The following PPP6R2 variants were observed in gnomAD, a reference collection of about 807,000 sequenced individuals.
The protein encoded by PPP6R2 is serine/threonine-protein phosphatase 6 regulatory subunit 2.
Under a neutral mutation model 100.2 loss-of-function variants are expected in PPP6R2, and 62 were observed. That is an observed-to-expected ratio of 0.62 (90% CI 0.50 to 0.76). PPP6R2 has a LOEUF of 0.76. Among genes scored for constraint, PPP6R2 ranks in the 30% least tolerant of loss-of-function variants. The pLI is 0.00. For missense variants in PPP6R2, 1,142 were observed against 1,276.3 expected (o/e 0.89, Z 1.60); for synonymous variants, 525 against 514.7 (o/e 1.02, Z -0.27).
At chr22:50,403,239 T>C (rs2058331095) in intron 3 of PPP6R2, among the ~76,000 whole-genome samples, 1 of 152,114 alleles carries the variant, frequency 6.6e-6, no homozygotes, top group South Asian at 2.1e-4. Flanking sequence ...TTCCCTGTGG[T>C]ATTGAGACAC....
At chr22:50,357,426 T>C in intron 1 of PPP6R2, among the ~76,000 whole-genome samples, 1 of 151,594 alleles carries the variant, frequency 6.6e-6, no homozygotes, top group East Asian at 1.9e-4. Flanking sequence ...TTTCTTTTCT[T>C]TTCTTTTTCT....
At chr22:50,436,495 TG>T in intron 14 of PPP6R2, 43 bp downstream of exon 14, 2 of 1,538,536 alleles carry the variant, frequency 1.3e-6, no homozygotes, top group Admixed American at 3.9e-5. Context: ...CGCACGGTGC[TG>T]GGACGCCGTC....
At chr22:50,354,800 A>G (rs1242244269) in intron 1 of PPP6R2, among the ~76,000 whole-genome samples, 1 of 151,852 alleles carries the variant, frequency 6.6e-6, no homozygotes, top group Non-Finnish European at 1.5e-5. Flanking sequence ...TCTCTCTCGT[A>G]CACGTACATA....
chr22:50,368,700 C>T (rs1395326123), intron 1 of PPP6R2, among the ~76,000 whole-genome samples: 1 of 152,064 alleles, frequency 6.6e-6, no homozygotes, highest in Non-Finnish European at 1.5e-5. Context: ...CACTTTGTCA[C>T]CCAGGCTGGA....
chr22:50,342,617 G>A (rs2042530343), upstream of PPP6R2, among the ~76,000 whole-genome samples: 1 of 152,260 alleles, frequency 6.6e-6, no homozygotes, highest in Non-Finnish European at 1.5e-5. Context: ...AACGTTTAGA[G>A]ATCCCTTAAG....
intron 3 of PPP6R2, among the ~76,000 whole-genome samples, chr22:50,402,684 G>A (rs2058248789): frequency 6.6e-6 from 1 of 152,164 alleles, no homozygotes; most frequent in South Asian, 2.1e-4. Flanking sequence ...TGTTATTTGA[G>A]ATGGAGTTTG....
At chr22:50,362,820 A>G (rs985498251) in intron 1 of PPP6R2, among the ~76,000 whole-genome samples, 3 of 152,206 alleles carry the variant, frequency 2.0e-5, no homozygotes, top group Non-Finnish European at 4.4e-5. Context: ...AGGCTTTCTC[A>G]GCAACCTAAT....
At chr22:50,347,736 T>A (rs1336456231) in intron 1 of PPP6R2, among the ~76,000 whole-genome samples, 1 of 152,142 alleles carries the variant, frequency 6.6e-6, no homozygotes, top group East Asian at 1.9e-4. Flanking sequence ...ACCCTTCTCC[T>A]GTGTCTTGTT....
upstream of PPP6R2, among the ~76,000 whole-genome samples, chr22:50,340,756 G>T (rs2042363262): frequency 6.6e-6 from 1 of 151,834 alleles, no homozygotes; most frequent in African/African-American, 2.4e-5. Flanking sequence ...AGCAGCCAAC[G>T]GCGGGAGGTC....
chr22:50,438,483 T>A (rs2064877249), intron 18 of PPP6R2, 116 bp from the exon 19 acceptor site: 12 of 1,429,244 alleles, frequency 8.4e-6, no homozygotes, highest in Non-Finnish European at 1.1e-5. Context: ...CGTCTCGTGC[T>A]CCTCTCTCGA....
chr22:50,394,865 G>A (rs1030530657), intron 3 of PPP6R2, among the ~76,000 whole-genome samples: 3 of 134,672 alleles, frequency 2.2e-5, no homozygotes, highest in Non-Finnish European at 4.6e-5. Flanking sequence ...AGTGAGCTGA[G>A]ATCACACCAC....
chr22:50,432,210 G>A (rs1196207861), intron 11 of PPP6R2, 55 bp from the exon 12 acceptor site: 1 of 1,462,714 alleles, frequency 6.8e-7, no homozygotes, highest in Non-Finnish European at 9.4e-7. Flanking sequence ...TGGGTGGAGG[G>A]GTGCGTGCCG....
At chr22:50,390,589 G>A (rs1293540171) in intron 2 of PPP6R2, among the ~76,000 whole-genome samples, 1 of 151,874 alleles carries the variant, frequency 6.6e-6, no homozygotes, top group Non-Finnish European at 1.5e-5. Context: ...AACTCAGGAG[G>A]CAGAGGTTGC....
chr22:50,380,929 C>A (rs371407257), intron 2 of PPP6R2, among the ~76,000 whole-genome samples: 23 of 147,672 alleles, frequency 1.6e-4, no homozygotes, highest in Admixed American at 4.8e-4. Context: ...GCGGAGCTTG[C>A]AGTGAGCCGA....
intron 1 of PPP6R2, among the ~76,000 whole-genome samples, chr22:50,370,461 G>A (rs1351143071): frequency 6.7e-6 from 1 of 148,934 alleles, no homozygotes; most frequent in African/African-American, 2.5e-5. Flanking sequence ...CTAATTTTTT[G>A]TGTTTTTAGT....
At chr22:50,438,109 T>C (rs540180010) in intron 17 of PPP6R2, 65 bp from the exon 18 acceptor site, 14 of 1,564,590 alleles carry the variant, frequency 8.9e-6, no homozygotes, top group Non-Finnish European at 1.2e-5. Flanking sequence ...GGGAGCTCTA[T>C]GGGGAGAGCG....
chr22:50,438,507 C>A, intron 18 of PPP6R2, 92 bp from the exon 19 acceptor site: 2 of 1,498,540 alleles, frequency 1.3e-6, no homozygotes, highest in Non-Finnish European at 1.8e-6. Context: ...GATCTGTGCT[C>A]ACCCTCAGCC....
At position 50,440,037 on chromosome 22, in the gene PPP6R2, C is replaced by T. The variant is rs778627051; in HGVS notation, c.2362C>T (p.Pro788Ser). 1.9e-6 allele frequency: 3 copies of T among 1,612,684 alleles called. No individual in the cohort carries two copies. Among genetic ancestry groups the T allele is most frequent in the East Asian group, 4.5e-5 (2 of 44,878 alleles). ...TGCTGAGGGCAGCCGGAGCCAAGGC[C>T]CTGAGAAAGCCTGTGAGTAGGAGCA... ...SHAEGSRSQG[P>S]EKAFSPASPC... Residue 788 changes from proline to serine, a missense_variant, in exon 21 of 24, where the codon CCT becomes TCT. By Grantham distance (74) the Pro-to-Ser change is moderately conservative. Coordinates refer to ENST00000612753, the MANE Select transcript of PPP6R2 (RefSeq NM_001242898.2).
chr22:50,354,868 C>CTT lies in PPP6R2; in HGVS notation c.-148+11335_-148+11336dup, dbSNP rs762678639. On this transcript the variant is annotated intron_variant, in intron 1 of 23. Coordinates refer to ENST00000612753, the MANE Select transcript of PPP6R2 (RefSeq NM_001242898.2). ...TAAAAGCTGCTGCACCTGGATCAGC[C>CTT]TTTTTTTTTTTTTTTTTTGAGACAG... 7.4e-3 allele frequency among the ~76,000 whole-genome samples: 940 copies of CTT among 126,314 alleles called. 16 individuals are homozygous for CTT. Among genetic ancestry groups the CTT allele is most frequent in the East Asian group, 0.056 (252 of 4,520 alleles). The allele number at this position is 126,314 out of a possible 152,430, so 82.9% of individuals were successfully genotyped here. A position where few individuals can be genotyped will look rare whatever the true frequency, so the allele number is the denominator to read the frequency against.
Sources: allele counts gnomAD v4.1 joint callset (sites outside exome capture counted in the v4.1 genomes callset), GRCh38; gene constraint gnomAD v4.1.1; transcripts MANE v1.5; gene names NCBI Gene and HGNC (gene_info 2026-07-23, HGNC 2026-07-21).